ATP2C1: variants seen among roughly 807,000 people sequenced by gnomAD.
ATP2C1 encodes calcium-transporting ATPase type 2C member 1.
Under a neutral mutation model 120.5 loss-of-function variants are expected in ATP2C1, and 31 were observed. The observed-to-expected ratio is 0.26, with a 90% CI of 0.19 to 0.35. The LOEUF (loss-of-function observed/expected upper bound fraction) is 0.35. Ranked by LOEUF, ATP2C1 falls within the 10% of genes least tolerant of loss-of-function variation. The pLI is 1.00. For missense variants in ATP2C1, 731 were observed against 1,107.5 expected (o/e 0.66, Z 4.83); for synonymous variants, 351 against 358.7 (o/e 0.98, Z 0.24).
At chr3:130,982,525 AG>A (rs2061813706) in intron 20 of ATP2C1, among the ~76,000 whole-genome samples, 1 of 152,208 alleles carries the variant, frequency 6.6e-6, no homozygotes, top group South Asian at 2.1e-4. Flanking sequence ...AGTTGCTGAC[AG>A]TTCAGATTTC....
At position 130,967,470 on chromosome 3, in the gene ATP2C1, CAG is replaced by C. The variant is rs752298431; in HGVS notation, c.1308+53_1308+54del. 3.5e-6 allele frequency: 5 copies of C among 1,429,986 alleles called. No individual in the cohort carries two copies. In the Admixed American group the frequency reaches 6.7e-5, roughly 19 times the overall value. 88.6% of individuals were successfully genotyped at this position (1,429,986 alleles called of 1,614,324 possible). Reference sequence around the variant, plus strand: ...GACATTTGAGACACTGCCCTCACAACAGAATGCAGTGTCATCAATTTCAGTAT... The same window carrying C: ...GACATTTGAGACACTGCCCTCACAACAATGCAGTGTCATCAATTTCAGTAT... On this transcript the variant is annotated intron_variant, in intron 16 of 27. Coordinates refer to ENST00000510168, the MANE Select transcript of ATP2C1 (RefSeq NM_001378687.1).
chr3:130,879,631 G>A (rs1464030710), intron 1 of ATP2C1, among the ~76,000 whole-genome samples: 1 of 152,016 alleles, frequency 6.6e-6, no homozygotes, highest in Non-Finnish European at 1.5e-5. Context: ...GTTTCTCTAT[G>A]TTAATATCTG....
At chr3:130,979,208 C>T in intron 18 of ATP2C1, 41 bp from the exon 19 acceptor site, 5 of 1,602,970 alleles carry the variant, frequency 3.1e-6, no homozygotes, top group South Asian at 1.1e-5. Flanking sequence ...TTTCATGACT[C>T]ACTTTTTTTT....
chr3:130,899,396 AACTT>A (rs1280391042), intron 2 of ATP2C1: 7 of 152,198 alleles, frequency 4.6e-5, no homozygotes, highest in Non-Finnish European at 1.0e-4. Context: ...TAGAGAAAAA[AACTT>A]ACCAAGAAAA....
At chr3:130,954,491 T>C (rs937147069) in intron 9 of ATP2C1, among the ~76,000 whole-genome samples, 4 of 152,292 alleles carry the variant, frequency 2.6e-5, no homozygotes, top group South Asian at 4.1e-4. Flanking sequence ...GAGTCTGCTA[T>C]ACGTTTTTTT....
At chr3:130,858,556 G>T (rs187951758) in intron 1 of ATP2C1, among the ~76,000 whole-genome samples, 2 of 152,106 alleles carry the variant, frequency 1.3e-5, no homozygotes, top group Non-Finnish European at 2.9e-5. Context: ...TAGCAATTTC[G>T]CATCTTTCTG....
intron 2 of ATP2C1, chr3:130,929,804 T>G: frequency 6.1e-6 from 1 of 164,922 alleles, no homozygotes; most frequent in Non-Finnish European, 1.3e-5. Context: ...ATCTCGTGAC[T>G]AACTGCTTGT....
At chr3:130,862,986 C>T (rs1338630445) in intron 1 of ATP2C1, among the ~76,000 whole-genome samples, 1 of 152,080 alleles carries the variant, frequency 6.6e-6, no homozygotes, top group Non-Finnish European at 1.5e-5. Flanking sequence ...GAGAACAATG[C>T]TAGAGTCTTT....
At chr3:130,998,465 A>C in intron 26 of ATP2C1, 76 bp downstream of exon 26, 1 of 1,123,616 alleles carries the variant, frequency 8.9e-7, no homozygotes, top group South Asian at 1.2e-5. Flanking sequence ...GTAGGCAAAG[A>C]TTATGGGTTT....
At position 131,002,953 on chromosome 3, in the gene ATP2C1, A is replaced by G. The variant is rs953230249; in HGVS notation, c.*1603A>G. ...TGGAAGCCATTGTCTAATCAACTCTATCATTAGTGACTTGATGTCTCATAC... is the reference window on the plus strand; with the variant it reads ...TGGAAGCCATTGTCTAATCAACTCTGTCATTAGTGACTTGATGTCTCATAC... On this transcript the variant is annotated 3_prime_UTR_variant, in exon 28 of 28. Coordinates refer to ENST00000510168, the MANE Select transcript of ATP2C1 (RefSeq NM_001378687.1). The G allele has an allele frequency of 1.6e-5, 16 of 985,568 alleles. No homozygotes were observed. Among genetic ancestry groups the G allele is most frequent in the Non-Finnish European group, 1.6e-5 (13 of 829,784 alleles). The allele number at this position is 985,568 out of a possible 1,614,324, so 61.1% of individuals were successfully genotyped here. A position where few individuals can be genotyped will look rare whatever the true frequency, so the allele number is the denominator to read the frequency against.
At chr3:131,014,385 A>T in intron 26 of ATP2C1, 1 of 1,575,346 alleles carries the variant, frequency 6.3e-7, no homozygotes, top group Non-Finnish European at 8.6e-7. Flanking sequence ...TCCACTGTAC[A>T]GTCTGTTCAA....
intron 1 of ATP2C1, among the ~76,000 whole-genome samples, chr3:130,860,581 G>C (rs757384709): frequency 3.9e-5 from 6 of 152,150 alleles, no homozygotes; most frequent in African/African-American, 1.2e-4. Context: ...CCATTTTGTG[G>C]GTGAGAGAAC....
chr3:130,971,073 T>A (rs1346896996), intron 17 of ATP2C1, among the ~76,000 whole-genome samples: 1 of 152,206 alleles, frequency 6.6e-6, no homozygotes, highest in African/African-American at 2.4e-5. Flanking sequence ...TGCATTAAAC[T>A]TAGGCGATTT....
chr3:130,996,283 A>G (rs2062619339), intron 23 of ATP2C1, 172 bp downstream of exon 23: 1 of 632,644 alleles, frequency 1.6e-6, no homozygotes, highest in Non-Finnish European at 2.8e-6. Context: ...TGGCATGATA[A>G]ATAGGTTGTA....
At chr3:130,850,753 C>T (rs2067650910) in exon 1 of ATP2C1, 1 of 726,210 alleles carries the variant, frequency 1.4e-6, no homozygotes, top group Non-Finnish European at 2.1e-6. Context: ...TGAGGAATTG[C>T]TAAGTTTCTA....
intron 26 of ATP2C1, chr3:131,015,962 A>C (rs2063606656): frequency 1.3e-6 from 1 of 783,814 alleles, no homozygotes; most frequent in South Asian, 1.5e-5. Context: ...GAAATAATTT[A>C]ATATTTTTCC....
chr3:130,992,475 C>T (rs1229370768), intron 20 of ATP2C1, among the ~76,000 whole-genome samples: 1 of 152,054 alleles, frequency 6.6e-6, no homozygotes, highest in East Asian at 1.9e-4. Flanking sequence ...GGAAGAGAGG[C>T]TAATGAGTTA....
intron 2 of ATP2C1, among the ~76,000 whole-genome samples, chr3:130,905,439 T>C (rs1229889752): frequency 6.6e-6 from 1 of 152,080 alleles, no homozygotes; most frequent in Non-Finnish European, 1.5e-5. Context: ...GTATATTGAC[T>C]TACTTGTTTC....
chr3:130,969,171 T>G lies in ATP2C1; in HGVS notation c.1309-121T>G, dbSNP rs563094957. The G allele has an allele frequency of 4.2e-6, 3 of 716,918 alleles. No homozygotes were observed. In the East Asian group the frequency reaches 8.1e-5, roughly 19 times the overall value. 44.4% of individuals were successfully genotyped at this position (716,918 alleles called of 1,614,324 possible). On this transcript the variant is annotated intron_variant, in intron 16 of 27. Transcript: ENST00000510168. ...GTATATATAGATGGAGCATTTACTA[T>G]TTCACTATTAACTGAAAAATAATCC...
Sources: allele counts gnomAD v4.1 joint callset (sites outside exome capture counted in the v4.1 genomes callset), GRCh38; gene constraint gnomAD v4.1.1; transcripts MANE v1.5; gene names NCBI Gene and HGNC (gene_info 2026-07-23, HGNC 2026-07-21).